Variants in DMD observed in about 807,000 individuals in gnomAD.
DMD encodes dystrophin.
Under a neutral mutation model 330.1 loss-of-function variants are expected in DMD, and 63 were observed. The observed-to-expected ratio is 0.19, with a 90% CI of 0.16 to 0.24. DMD has a LOEUF of 0.24. DMD is among the 10% of genes least tolerant of loss of function. The pLI is 1.00. For synonymous variants in DMD, 1,223 were observed against 959.8 expected (o/e 1.27, Z -5.07); for missense variants, 3,344 against 2,684.1 (o/e 1.25, Z -5.43).
chrX:32,676,506 G>T (rs746434643), intron 9 of DMD, among the ~76,000 whole-genome samples: 1 of 111,462 alleles, frequency 9.0e-6, no homozygotes, highest in East Asian at 2.8e-4. Context: ...TTGGGGCAAT[G>T]AATTCTTTTG....
intron 2 of DMD, among the ~76,000 whole-genome samples, chrX:32,873,351 G>C (rs1261116795): frequency 9.1e-6 from 1 of 109,625 alleles, no homozygotes; most frequent in Non-Finnish European, 1.9e-5. Context: ...GTAGGCATTA[G>C]AGTGAGAGAG....
chrX:32,552,615 T>C (rs2049703940), intron 16 of DMD, among the ~76,000 whole-genome samples: 1 of 111,650 alleles, frequency 9.0e-6, no homozygotes, highest in African/African-American at 3.3e-5. Context: ...CAAAAGAAAC[T>C]ATCAACAGAG....
rs2053110503 is a variant in DMD, at chrX:33,269,307, G to C, written c.7+69952C>G. On this transcript the variant is annotated intron_variant, in intron 1 of 17. Coordinates refer to the DMD transcript ENST00000288447. ...TTGCAGCGACATGGATGGAGCTGGAGGACATTATATTAAGCGAAGTAATGC... is the reference window on the plus strand; with the variant it reads ...TTGCAGCGACATGGATGGAGCTGGACGACATTATATTAAGCGAAGTAATGC... Among the ~76,000 whole-genome samples, 3 of 111,283 alleles carry C rather than the reference G, an allele frequency of 2.7e-5. No individual in the cohort carries two copies. The Admixed American group carries it at 2.9e-4, about 11-fold the overall frequency.
intron 2 of DMD, among the ~76,000 whole-genome samples, chrX:32,955,531 A>G (rs1168236223): frequency 1.8e-5 from 2 of 111,635 alleles, no homozygotes; most frequent in African/African-American, 6.5e-5. Flanking sequence ...TGCAGAAACT[A>G]TTTAGTTTAA....
chrX:32,915,103 A>C (rs922723929), intron 2 of DMD, among the ~76,000 whole-genome samples: 1 of 109,546 alleles, frequency 9.1e-6, no homozygotes, highest in Non-Finnish European at 1.9e-5. Flanking sequence ...ATTTAAAAAT[A>C]TTACAGGATT....
In DMD at chrX:32,028,261, G is replaced by C. The variant is rs1222014712; in HGVS notation, c.6439-59747C>G. On this transcript the variant is annotated intron_variant, in intron 44 of 78. Transcript: ENST00000357033. ...GAACCCCGCTCGATGGTAGGGGAAA[G>C]CTTGTGAGCTGAGTTTTTGATCTTA... is the stretch of plus-strand genomic sequence containing the variant. Among the ~76,000 whole-genome samples the C allele has an allele frequency of 4.5e-5, 5 of 111,661 alleles. No homozygotes were observed. The East Asian group carries it at 1.1e-3, about 25-fold the overall frequency.
chrX:31,321,706 T>C (rs2056447972), intron 62 of DMD, among the ~76,000 whole-genome samples: 2 of 108,938 alleles, frequency 1.8e-5, no homozygotes, highest in African/African-American at 6.7e-5. Context: ...AGGACTAAAA[T>C]TGAAGTTTTC....
intron 11 of DMD, among the ~76,000 whole-genome samples, chrX:32,615,342 G>A (rs1018684908): frequency 9.0e-6 from 1 of 111,278 alleles, no homozygotes; most frequent in Non-Finnish European, 1.9e-5. Flanking sequence ...CCAGCGGTAA[G>A]CTCTACAACC....
At chrX:31,687,454 C>T (rs1328204073) in intron 52 of DMD, among the ~76,000 whole-genome samples, 2 of 110,720 alleles carry the variant, frequency 1.8e-5, no homozygotes, top group Non-Finnish European at 3.8e-5. Flanking sequence ...AAATATGGGT[C>T]CCAGTTCTCT....
intron 50 of DMD, among the ~76,000 whole-genome samples, chrX:31,803,950 C>T (rs1487574961): frequency 9.0e-6 from 1 of 110,721 alleles, no homozygotes; most frequent in Admixed American, 9.6e-5. Context: ...CCACCCACCT[C>T]GGCCCCCCAA....
intron 4 of DMD, among the ~76,000 whole-genome samples, chrX:32,840,840 G>C (rs1489639253): frequency 1.8e-5 from 2 of 111,993 alleles, no homozygotes; most frequent in African/African-American, 6.5e-5. Flanking sequence ...TATCACAAAT[G>C]AAACTGCTAT....
intron 54 of DMD, among the ~76,000 whole-genome samples, chrX:31,648,073 A>C (rs1211569421): frequency 1.8e-5 from 2 of 112,062 alleles, no homozygotes; most frequent in African/African-American, 6.5e-5. Flanking sequence ...CCTAATAAAA[A>C]TGTGGTAAGA....
In DMD at chrX:31,120,429, G is replaced by A. The variant is rs933008424; in HGVS notation, c.*1490C>T. 8.9e-6 allele frequency: 1 copy of A among 111,748 alleles called. No homozygotes were observed. Among genetic ancestry groups the A allele is most frequent in the Admixed American group, 9.5e-5 (1 of 10,517 alleles). 9.2% of individuals were successfully genotyped at this position (111,748 alleles called of 1,213,427 possible). On this transcript the variant is annotated 3_prime_UTR_variant, in exon 79 of 79. Transcript: ENST00000357033. The stretch of plus-strand genomic sequence containing the variant: ...ATGGAAACACAGTTCATGGGCTTCT[G>A]GGTTGATACCTGTCAGTATCACAAA...
At chrX:32,265,688 GAC>G (rs748303224) in intron 43 of DMD, among the ~76,000 whole-genome samples, 15 of 112,754 alleles carry the variant, frequency 1.3e-4, no homozygotes, top group Non-Finnish European at 1.7e-4. Flanking sequence ...CTGGATGTGA[GAC>G]ACAGAGTCAA....
At chrX:32,149,102 C>T (rs1454475008) in intron 44 of DMD, among the ~76,000 whole-genome samples, 8 of 111,908 alleles carry the variant, frequency 7.1e-5, no homozygotes, top group Non-Finnish European at 1.1e-4. Flanking sequence ...TGACTGAATA[C>T]ATTTCAAGAA....
chrX:32,851,834 A>G (rs2081163505), intron 2 of DMD, among the ~76,000 whole-genome samples: 1 of 111,897 alleles, frequency 8.9e-6, no homozygotes, highest in Non-Finnish European at 1.9e-5. Context: ...GAATTCATCA[A>G]GCGCACATAG....
intron 19 of DMD, among the ~76,000 whole-genome samples, chrX:32,494,807 T>G (rs1345432551): frequency 9.0e-6 from 1 of 111,178 alleles, no homozygotes; most frequent in Non-Finnish European, 1.9e-5. Context: ...TTAGTCCTAA[T>G]TTTATATAAT....
intron 44 of DMD, among the ~76,000 whole-genome samples, chrX:32,175,845 T>A (rs752378753): frequency 1.8e-5 from 2 of 111,856 alleles, no homozygotes; most frequent in Non-Finnish European, 3.8e-5. Context: ...TTTGTGACAC[T>A]CAGGCATTAC....
At position 32,300,795 on chromosome X, in the gene DMD, G is replaced by A. The variant is rs183212505; in HGVS notation, c.6117+9287C>T. ...GTGTGACTCAGCAGAGGAGGGCCAG[G>A]TAGGTTTTATGGAGGAAAAATTCCA... On this transcript the variant is annotated intron_variant, in intron 42 of 78. Transcript: ENST00000357033. Among the ~76,000 whole-genome samples, 3 of 110,996 alleles carry A rather than the reference G, an allele frequency of 2.7e-5. No individual in the cohort carries two copies. The East Asian group carries it at 8.5e-4, about 31-fold the overall frequency.
Sources: gnomAD v4.1 joint callset for allele counts (sites outside exome capture counted in the v4.1 genomes callset) on GRCh38, gnomAD v4.1.1 for gene constraint, MANE v1.5 for transcripts, NCBI Gene and HGNC (gene_info 2026-07-23, HGNC 2026-07-21) for gene names.